The following N4BP2L2 variants were observed in gnomAD, a reference collection of about 807,000 sequenced individuals.
N4BP2L2 encodes NEDD4-binding protein 2-like 2.
A neutral mutation model predicts 56.2 loss-of-function variants in N4BP2L2; 50 were observed. That is an observed-to-expected ratio of 0.89 (90% CI 0.71 to 1.13). N4BP2L2 has a LOEUF of 1.13. Among genes scored for constraint, N4BP2L2 ranks in the 50% most tolerant of loss-of-function variants. The pLI is 0.00. For missense variants in N4BP2L2, 689 were observed against 693.8 expected (o/e 0.99, Z 0.08); for synonymous variants, 203 against 223.6 (o/e 0.91, Z 0.82).
chr13:32,443,619 T>C lies in N4BP2L2; in HGVS notation c.873A>G (p.Ala291=), dbSNP rs1386183301. ...CCGCAGAAAGGTCCTGGGTGTCTAA[T>C]GCTATGGTATGCCTATTTCTAATAT... Residue 291 remains alanine, a synonymous_variant, in exon 7 of 10, where the codon GCA becomes GCG. Transcript: ENST00000357505. 7 of 1,611,840 alleles carry C rather than the reference T, an allele frequency of 4.3e-6. No homozygotes were observed. In the South Asian group the frequency reaches 4.4e-5, roughly 10 times the overall value.
chr13:32,451,150 A>ACGCGAGCC (rs1378234169), intron 6 of N4BP2L2, among the ~76,000 whole-genome samples: 1 of 152,148 alleles, frequency 6.6e-6, no homozygotes, highest in African/African-American at 2.4e-5. Context: ...AAAGTAGAAG[A>ACGCGAGCC]CGCTAGCCAT....
chr13:32,469,942 C>T (rs1207586978), intron 6 of N4BP2L2, among the ~76,000 whole-genome samples: 1 of 152,118 alleles, frequency 6.6e-6, no homozygotes, highest in African/African-American at 2.4e-5. Flanking sequence ...CAGAGGGACA[C>T]TGGACCACCG....
chr13:32,478,706 C>G (rs2083898662), intron 6 of N4BP2L2: 1 of 152,220 alleles, frequency 6.6e-6, no homozygotes, highest in Non-Finnish European at 1.5e-5. Context: ...AATATTTTGC[C>G]ACAGAAGGTC....
intron 6 of N4BP2L2, among the ~76,000 whole-genome samples, chr13:32,458,765 T>C (rs947030245): frequency 1.3e-5 from 2 of 152,186 alleles, no homozygotes; most frequent in African/African-American, 4.8e-5. Flanking sequence ...ACATAAGATT[T>C]AAACTGCACT....
At chr13:32,521,697 T>C in intron 4 of N4BP2L2, 1 of 363,444 alleles carries the variant, frequency 2.8e-6, no homozygotes, top group South Asian at 4.4e-5. Context: ...AATATGAGGC[T>C]GGGCGTGGTG....
intron 2 of N4BP2L2, 81 bp from the exon 3 acceptor site, chr13:32,527,613 C>T (rs971950759): frequency 6.8e-7 from 1 of 1,471,678 alleles, no homozygotes; most frequent in Admixed American, 2.1e-5. Context: ...TAAATATAAC[C>T]AAGTGAAATA....
intron 6 of N4BP2L2, among the ~76,000 whole-genome samples, chr13:32,457,350 C>T (rs1460400411): frequency 6.6e-6 from 1 of 151,980 alleles, no homozygotes; most frequent in Non-Finnish European, 1.5e-5. Flanking sequence ...TCATGTCTAG[C>T]AAGAGATTTA....
At chr13:32,523,793 A>G (rs537885773) in intron 3 of N4BP2L2, 7 of 152,182 alleles carry the variant, frequency 4.6e-5, no homozygotes, top group African/African-American at 1.7e-4. Context: ...GAATGACTCA[A>G]CTCTGGAGAC....
chr13:32,436,256 T>C (rs2075461341), intron 9 of N4BP2L2: 1 of 484,072 alleles, frequency 2.1e-6, no homozygotes, highest in Non-Finnish European at 3.6e-6. Flanking sequence ...TTTTATATTT[T>C]ACTCTCCAGT....
At position 32,442,325 on chromosome 13, in the gene N4BP2L2, C is replaced by T; in HGVS notation, c.2104+63G>A. 4 of 1,363,420 alleles carry T rather than the reference C, an allele frequency of 2.9e-6. No individual in the cohort carries two copies. The South Asian group carries it at 6.1e-5, about 21-fold the overall frequency. The allele number at this position is 1,363,420 out of a possible 1,614,324, so 84.5% of individuals were successfully genotyped here. A position where few individuals can be genotyped will look rare whatever the true frequency, so the allele number is the denominator to read the frequency against. On this transcript the variant is annotated intron_variant, in intron 7 of 9. Coordinates refer to the N4BP2L2 transcript ENST00000357505. ...ATCACTAACCACCAGGTAGAAACAC[C>T]TCCAGAATTACTTACATATGTTAAA...
intron 7 of N4BP2L2, chr13:32,442,293 G>T: frequency 1.9e-6 from 2 of 1,078,644 alleles, no homozygotes; most frequent in Non-Finnish European, 2.6e-6. Flanking sequence ...TTAATAAACT[G>T]CATGAGATCA....
chr13:32,467,324 C>A (rs1239510444), intron 6 of N4BP2L2, among the ~76,000 whole-genome samples: 1 of 151,400 alleles, frequency 6.6e-6, no homozygotes, highest in Non-Finnish European at 1.5e-5. Flanking sequence ...GTGGCACAAT[C>A]TAAGCTCACT....
chr13:32,486,854 C>T (rs934679354), intron 6 of N4BP2L2, among the ~76,000 whole-genome samples: 1 of 151,944 alleles, frequency 6.6e-6, no homozygotes, highest in Non-Finnish European at 1.5e-5. Context: ...AAAAAATTAG[C>T]CAGGCGTGGT....
chr13:32,525,376 C>T lies in N4BP2L2; in HGVS notation c.1384+2032G>A, dbSNP rs553169442. On this transcript the variant is annotated intron_variant, in intron 3 of 5. Coordinates refer to ENST00000267068, the Ensembl canonical transcript of N4BP2L2. ...ACTAGGAAACAGTCTTATGATCAAA[C>T]TTATCTGATGTTTAAACATTCTTGT... is the stretch of plus-strand genomic sequence containing the variant. 16 of 152,266 alleles carry T rather than the reference C, an allele frequency of 1.1e-4. No homozygotes were observed. In the South Asian group the frequency reaches 1.7e-3, roughly 16 times the overall value. The allele number at this position is 152,266 out of a possible 1,614,324, so 9.4% of individuals were successfully genotyped here.
rs148970353 is a variant in N4BP2L2 at position 32,481,147 on chromosome 13, A to AAC, written c.365+36709_365+36710insGT. Among the ~76,000 whole-genome samples the AAC allele has an allele frequency of 1.9e-3, 290 of 149,948 alleles. 3 individuals are homozygous for AAC. The highest frequency in any genetic ancestry group is 3.1e-3 in the Non-Finnish European group (206 of 67,082). ...AAAAAAAAAAAAAAAAAAAAAAAAA[A>AAC]AGGATTGCACTTTTTAGATTGTGTT... On this transcript the variant is annotated intron_variant, in intron 6 of 9. Transcript: ENST00000357505.
At chr13:32,481,147 A>AAAAAAAAC (rs148970353) in intron 6 of N4BP2L2, among the ~76,000 whole-genome samples, 1 of 149,838 alleles carries the variant, frequency 6.7e-6, no homozygotes, top group Non-Finnish European at 1.5e-5. Flanking sequence ...AAAAAAAAAA[A>AAAAAAAAC]AGGATTGCAC....
At chr13:32,454,385 AAC>A (rs1472116927) in intron 6 of N4BP2L2, among the ~76,000 whole-genome samples, 1 of 152,178 alleles carries the variant, frequency 6.6e-6, no homozygotes, top group Non-Finnish European at 1.5e-5. Context: ...CTAAACAAAC[AAC>A]AGTTACAACA....
intron 6 of N4BP2L2, chr13:32,477,390 G>C (rs2083583738): frequency 1.1e-5 from 2 of 178,824 alleles, no homozygotes; most frequent in African/African-American, 4.8e-5. Context: ...ATGCTTTCTT[G>C]TTCATTAATG....
At chr13:32,460,257 C>G (rs113242260) in intron 6 of N4BP2L2, among the ~76,000 whole-genome samples, 8,715 of 152,192 alleles carry the variant, frequency 0.057, 843 homozygotes, top group African/African-American at 0.2. Context: ...GACAAGGATG[C>G]TCACCTTCAT....
Sources: gnomAD v4.1 joint callset for allele counts (sites outside exome capture counted in the v4.1 genomes callset) on GRCh38, gnomAD v4.1.1 for gene constraint, MANE v1.5 for transcripts, NCBI Gene and HGNC (gene_info 2026-07-23, HGNC 2026-07-21) for gene names.